ST3GAL2: variants seen among roughly 807,000 people sequenced by gnomAD.
ST3GAL2 encodes CMP-N-acetylneuraminate-beta-galactosamide-alpha-2,3-sialyltransferase 2.
Under a neutral mutation model 37.5 loss-of-function variants are expected in ST3GAL2, and 16 were observed. The observed-to-expected ratio is 0.43, with a 90% confidence interval of 0.29 to 0.65. The LOEUF (loss-of-function observed/expected upper bound fraction) is 0.65. Among genes scored for constraint, ST3GAL2 ranks in the 30% least tolerant of loss-of-function variants. The probability of loss-of-function intolerance (pLI) is 0.17; values close to 1 mark genes in which losing one functional copy is unlikely to be tolerated. For synonymous variants in ST3GAL2, 238 were observed against 202.9 expected (o/e 1.17, Z -1.47); for missense variants, 383 against 487.8 (o/e 0.79, Z 2.02).
At chr16:70,389,888 G>A (rs989468170) in intron 3 of ST3GAL2, among the ~76,000 whole-genome samples, 1 of 150,146 alleles carries the variant, frequency 6.7e-6, no homozygotes, top group Non-Finnish European at 1.5e-5. Context: ...CTGGGTTCAC[G>A]CCATTCTCCT....
chr16:70,397,163 C>G (rs1182474801), intron 2 of ST3GAL2, among the ~76,000 whole-genome samples: 2 of 151,148 alleles, frequency 1.3e-5, no homozygotes, highest in Non-Finnish European at 2.9e-5. Context: ...GCCTCAGCCT[C>G]CTGAGTAGCT....
At position 70,377,337 on chromosome 16, in the gene ST3GAL2, G is replaced by T. The variant is rs1013611130; in HGVS notation, c.*4352C>A. 2 of 148,652 alleles carry T rather than the reference G, an allele frequency of 1.3e-5. No individual in the cohort carries two copies. Among genetic ancestry groups the T allele is most frequent in the African/African-American group, 5.0e-5 (2 of 40,204 alleles). 9.2% of individuals were successfully genotyped at this position (148,652 alleles called of 1,614,324 possible). ...CTCTACTAAAAATACAAAATTAGCC[G>T]GGCGTGGTAGTGCATGCCTGTAATC... On this transcript the variant is annotated 3_prime_UTR_variant, in exon 7 of 7. Transcript: ENST00000342907.
intron 1 of ST3GAL2, among the ~76,000 whole-genome samples, chr16:70,423,259 A>C (rs968607992): frequency 6.6e-6 from 1 of 152,214 alleles, no homozygotes; most frequent in African/African-American, 2.4e-5. Context: ...CTGTAATCCC[A>C]GCACTTTGGG....
chr16:70,424,496 G>T (rs1161149222), intron 1 of ST3GAL2, among the ~76,000 whole-genome samples: 1 of 151,818 alleles, frequency 6.6e-6, no homozygotes, highest in East Asian at 2.0e-4. Context: ...AGCTACTCGG[G>T]AGGCTGAGAC....
intron 1 of ST3GAL2, among the ~76,000 whole-genome samples, chr16:70,424,390 T>C (rs943865211): frequency 4.7e-5 from 7 of 149,814 alleles, no homozygotes; most frequent in Non-Finnish European, 1.0e-4. Context: ...TCACCTGAGG[T>C]TGGGAGTTCG....
At chr16:70,382,256 C>T (rs1186312593) in intron 6 of ST3GAL2, among the ~76,000 whole-genome samples, 1 of 151,952 alleles carries the variant, frequency 6.6e-6, no homozygotes, top group African/African-American at 2.4e-5. Context: ...AATTCAACTA[C>T]ATACACTCTC....
intron 1 of ST3GAL2, among the ~76,000 whole-genome samples, chr16:70,422,250 A>G (rs1275546666): frequency 6.6e-6 from 1 of 152,200 alleles, no homozygotes; most frequent in Non-Finnish European, 1.5e-5. Flanking sequence ...CTCCCTGCAA[A>G]GATTAAATGA....
intron 3 of ST3GAL2, among the ~76,000 whole-genome samples, chr16:70,389,263 C>A (rs981081125): frequency 8.3e-6 from 1 of 120,490 alleles, no homozygotes; most frequent in African/African-American, 3.0e-5. Flanking sequence ...ACATTGGGGG[C>A]TTAACTCATT....
At chr16:70,436,543 T>G (rs2047826867) in intron 1 of ST3GAL2, among the ~76,000 whole-genome samples, 1 of 150,672 alleles carries the variant, frequency 6.6e-6, no homozygotes, top group African/African-American at 2.4e-5. Context: ...GTTCTCAAAG[T>G]GTTAGCCCTA....
intron 1 of ST3GAL2, among the ~76,000 whole-genome samples, chr16:70,416,657 A>G (rs2047678593): frequency 6.6e-6 from 1 of 152,226 alleles, no homozygotes; most frequent in African/African-American, 2.4e-5. Context: ...TATGCATATG[A>G]AAGTGATAAT....
At position 70,377,270 on chromosome 16, in the gene ST3GAL2, C is replaced by A. The variant is rs1475603463; in HGVS notation, c.*4419G>T. The A allele has an allele frequency of 6.7e-6, 1 of 149,670 alleles. No individual in the cohort carries two copies. The allele number at this position is 149,670 out of a possible 1,614,324, so 9.3% of individuals were successfully genotyped here. A position where few individuals can be genotyped will look rare whatever the true frequency, so the allele number is the denominator to read the frequency against. On this transcript the variant is annotated 3_prime_UTR_variant, in exon 7 of 7. Coordinates refer to ENST00000342907, the MANE Select transcript of ST3GAL2 (RefSeq NM_006927.4). The stretch of plus-strand genomic sequence containing the variant: ...CCAAGGCAGGCGGATCACCTGACGT[C>A]AGGAGTTCAAGACCAGCCTGACCAA...
At position 70,431,985 on chromosome 16, in the gene ST3GAL2, A is replaced by T. The variant is rs376836227; in HGVS notation, c.-1004+6964T>A. 4.2e-3 allele frequency among the ~76,000 whole-genome samples: 588 copies of T among 139,052 alleles called. 4 individuals are homozygous for T. Among genetic ancestry groups the T allele is most frequent in the South Asian group, 0.019 (88 of 4,704 alleles). 91.2% of individuals were successfully genotyped at this position (139,052 alleles called of 152,430 possible). ...TCTTAAAAAAAATATATATATATAT[A>T]TTTTTTTTTAACTTAGCTGGGCACA... On this transcript the variant is annotated intron_variant, in intron 1 of 6. Coordinates refer to ENST00000342907, the MANE Select transcript of ST3GAL2 (RefSeq NM_006927.4).
Position 70,398,777 on chromosome 16 carries a change from C to G in ST3GAL2, c.-247G>C, listed in dbSNP as rs572258345. The G allele has an allele frequency of 3.4e-6, 2 of 584,566 alleles. No homozygotes were observed. Among genetic ancestry groups the G allele is most frequent in the Non-Finnish European group, 6.1e-6 (2 of 328,754 alleles). 36.2% of individuals were successfully genotyped at this position (584,566 alleles called of 1,614,324 possible). A position where few individuals can be genotyped will look rare whatever the true frequency, so the allele number is the denominator to read the frequency against. Reference sequence around the variant, plus strand: ...CCCTGCTTAGGGCTTCATCGGGTCTCTCCGTCACTAGCTAGGCCACAGAGG... The same window carrying G: ...CCCTGCTTAGGGCTTCATCGGGTCTGTCCGTCACTAGCTAGGCCACAGAGG... On this transcript the variant is annotated 5_prime_UTR_variant, in exon 2 of 7. Coordinates refer to ENST00000342907, the MANE Select transcript of ST3GAL2 (RefSeq NM_006927.4).
chr16:70,388,294 A>G (rs2047456539), intron 4 of ST3GAL2, 73 bp downstream of exon 4: 14 of 1,585,016 alleles, frequency 8.8e-6, no homozygotes, highest in Non-Finnish European at 1.2e-5. Flanking sequence ...GAATCCTACA[A>G]TCTGGCCCCT....
rs1451650044 is a variant in ST3GAL2 at position 70,382,931 on chromosome 16, G to A, written c.760-7C>T. 2.5e-6 allele frequency: 4 copies of A among 1,612,570 alleles called. No individual in the cohort carries two copies. Among genetic ancestry groups the A allele is most frequent in the Non-Finnish European group, 3.4e-6 (4 of 1,179,278 alleles). The stretch of plus-strand genomic sequence containing the variant: ...CTGGGTTGTAGATCTGGACCTGGGA[G>A]GAGAAGGGATGACAGGTATATGAGG... On this transcript the variant is annotated splice_polypyrimidine_tract_variant and splice_region_variant and intron_variant, in intron 5 of 6. Transcript: ENST00000342907.
chr16:70,386,710 G>C (rs1445344775), intron 4 of ST3GAL2, among the ~76,000 whole-genome samples: 1 of 151,904 alleles, frequency 6.6e-6, no homozygotes, highest in Non-Finnish European at 1.5e-5. Context: ...CAATGGTGTG[G>C]TCTTGGCTCA....
intron 1 of ST3GAL2, among the ~76,000 whole-genome samples, chr16:70,405,554 A>AG (rs2047585410): frequency 6.6e-6 from 1 of 150,906 alleles, no homozygotes; most frequent in Non-Finnish European, 1.5e-5. Flanking sequence ...AAAAAAAAAA[A>AG]AAAAAAAAAA....
chr16:70,398,852 C>T lies in ST3GAL2; in HGVS notation c.-322G>A. ...GAGGGGGAGGTCAGTCCATTGCAGC[C>T]CTCTAGTCCCTTGGGATTGCTGGCT... On this transcript the variant is annotated 5_prime_UTR_variant, in exon 2 of 7. Transcript: ENST00000342907. 6.0e-6 allele frequency: 3 copies of T among 499,880 alleles called. No homozygotes were observed. Among genetic ancestry groups the T allele is most frequent in the Non-Finnish European group, 1.1e-5 (3 of 284,326 alleles). The allele number at this position is 499,880 out of a possible 1,614,324, so 31.0% of individuals were successfully genotyped here.
intron 1 of ST3GAL2, among the ~76,000 whole-genome samples, chr16:70,431,804 A>G (rs966813870): frequency 6.6e-6 from 1 of 151,950 alleles, no homozygotes; most frequent in Non-Finnish European, 1.5e-5. Context: ...TCTACTAAAA[A>G]TACAAGAAAA....
Sources: allele counts gnomAD v4.1 joint callset (sites outside exome capture counted in the v4.1 genomes callset), GRCh38; gene constraint gnomAD v4.1.1; transcripts MANE v1.5; gene names NCBI Gene and HGNC (gene_info 2026-07-23, HGNC 2026-07-21).